NAALADL2: variants seen among roughly 807,000 people sequenced by gnomAD.
NAALADL2 encodes inactive N-acetylated-alpha-linked acidic dipeptidase-like protein 2.
NAALADL2 carries 76 observed loss-of-function variants against 87.2 expected under a neutral mutation model. The observed-to-expected ratio is 0.87, with a 90% CI of 0.72 to 1.05. NAALADL2 has a LOEUF of 1.05. NAALADL2 is among the 50% of genes least tolerant of loss of function. The pLI, the probability that NAALADL2 is intolerant of heterozygous loss-of-function variation, is 0.00. For missense variants in NAALADL2, 1,089 were observed against 945.8 expected (o/e 1.15, Z -1.99); for synonymous variants, 354 against 331.0 (o/e 1.07, Z -0.75).
chr3:175,328,766 G>T (rs1761053221), intron 5 of NAALADL2, among the ~76,000 whole-genome samples: 1 of 152,066 alleles, frequency 6.6e-6, no homozygotes, highest in East Asian at 1.9e-4. Context: ...GTTGTAGTTG[G>T]AGTTATATTT....
In NAALADL2 at chr3:175,741,183, A is replaced by G. The variant is rs986502031; in HGVS notation, c.1990+3784A>G. On this transcript the variant is annotated intron_variant, in intron 12 of 13. Transcript: ENST00000454872. ...CAACAACAGTAATTTATTTCTTACA[A>G]TTCTGGAGGCTGAGATATCCAAGAT... Among the ~76,000 whole-genome samples, 6 of 152,294 alleles carry G rather than the reference A, an allele frequency of 3.9e-5. No individual in the cohort carries two copies. The South Asian group carries it at 1.0e-3, about 26-fold the overall frequency.
intron 11 of NAALADL2, among the ~76,000 whole-genome samples, chr3:175,654,364 T>C (rs1731174174): frequency 6.6e-6 from 1 of 152,208 alleles, no homozygotes; most frequent in African/African-American, 2.4e-5. Flanking sequence ...TGCCTCTTGG[T>C]TGGCAGAAGC....
chr3:174,942,349 G>T (rs138221028), intron 1 of NAALADL2, among the ~76,000 whole-genome samples: 3 of 152,228 alleles, frequency 2.0e-5, no homozygotes, highest in African/African-American at 7.2e-5. Context: ...CAAGAATGCT[G>T]AATATAGGCC....
chr3:174,513,366 TC>T (rs1189095902), intron 1 of NAALADL2: 1 of 152,234 alleles, frequency 6.6e-6, no homozygotes, highest in Non-Finnish European at 1.5e-5. Flanking sequence ...ATTTATTTTT[TC>T]ACCAGTACAT....
At chr3:174,916,003 T>A (rs1403465420) in intron 1 of NAALADL2, among the ~76,000 whole-genome samples, 1 of 152,064 alleles carries the variant, frequency 6.6e-6, no homozygotes, top group South Asian at 2.1e-4. Flanking sequence ...GTCCAGAATC[T>A]ACAAGGGACT....
At chr3:174,691,344 A>T (rs761802166) in intron 2 of NAALADL2, among the ~76,000 whole-genome samples, 2 of 151,928 alleles carry the variant, frequency 1.3e-5, no homozygotes, top group Non-Finnish European at 2.9e-5. Context: ...CCCGGGAGGC[A>T]GAGGTTGCAG....
chr3:175,050,913 G>T (rs1181099946), intron 1 of NAALADL2, among the ~76,000 whole-genome samples: 2 of 152,056 alleles, frequency 1.3e-5, no homozygotes, highest in African/African-American at 4.8e-5. Context: ...AAAAACTAGG[G>T]TTGTTTTACT....
intron 1 of NAALADL2, 59 bp downstream of exon 1, chr3:174,859,509 T>C (rs1726209508): frequency 1.4e-6 from 2 of 1,404,236 alleles, no homozygotes; most frequent in South Asian, 2.4e-5. Context: ...TAAGCAGTGT[T>C]GATTACAAAG....
intron 3 of NAALADL2, among the ~76,000 whole-genome samples, chr3:174,838,889 G>A (rs188724268): frequency 6.6e-6 from 1 of 152,226 alleles, no homozygotes; most frequent in Non-Finnish European, 1.5e-5. Context: ...TCATGGATGG[G>A]TAGAATCATT....
At chr3:174,755,325 T>C (rs1300670940) in intron 3 of NAALADL2, among the ~76,000 whole-genome samples, 1 of 152,186 alleles carries the variant, frequency 6.6e-6, no homozygotes, top group Non-Finnish European at 1.5e-5. Flanking sequence ...GTCTCAGTGG[T>C]ATTTCTTTAT....
At chr3:174,529,805 G>A (rs932758059) in intron 1 of NAALADL2, among the ~76,000 whole-genome samples, 1 of 152,154 alleles carries the variant, frequency 6.6e-6, no homozygotes. Flanking sequence ...GGCTAGAGCA[G>A]CAGGGACACG....
At chr3:174,589,547 T>C (rs952240068) in intron 2 of NAALADL2, among the ~76,000 whole-genome samples, 6 of 152,188 alleles carry the variant, frequency 3.9e-5, no homozygotes, top group African/African-American at 9.7e-5. Context: ...TTACCATTCA[T>C]TGAGACTGTG....
chr3:174,641,096 G>A (rs190580510), intron 2 of NAALADL2, among the ~76,000 whole-genome samples: 10 of 152,270 alleles, frequency 6.6e-5, no homozygotes, highest in African/African-American at 2.2e-4. Flanking sequence ...TGACCTGGGC[G>A]GGCCTGGCTT....
intron 2 of NAALADL2, among the ~76,000 whole-genome samples, chr3:175,097,833 A>G (rs1721422397): frequency 6.6e-6 from 1 of 152,182 alleles, no homozygotes; most frequent in Admixed American, 6.6e-5. Flanking sequence ...GAAGAACTAG[A>G]TATGCAAGAT....
chr3:175,670,606 A>G (rs1416273203), intron 11 of NAALADL2, among the ~76,000 whole-genome samples: 3 of 147,102 alleles, frequency 2.0e-5, no homozygotes, highest in South Asian at 2.1e-4. Flanking sequence ...TATTAAATAT[A>G]TATTAAATGT....
intron 11 of NAALADL2, among the ~76,000 whole-genome samples, chr3:175,650,997 C>A (rs1254711998): frequency 6.6e-6 from 1 of 152,104 alleles, no homozygotes; most frequent in Non-Finnish European, 1.5e-5. Context: ...GATGGCATCA[C>A]AAGGATTGTT....
chr3:175,155,365 G>A (rs1732156691), intron 2 of NAALADL2, among the ~76,000 whole-genome samples: 1 of 152,118 alleles, frequency 6.6e-6, no homozygotes, highest in African/African-American at 2.4e-5. Context: ...GGTGTAACTT[G>A]TTTGCCTAAA....
chr3:175,509,750 T>G (rs1730870825), intron 9 of NAALADL2, among the ~76,000 whole-genome samples: 1 of 152,086 alleles, frequency 6.6e-6, no homozygotes, highest in Non-Finnish European at 1.5e-5. Context: ...GGGGAAGAGG[T>G]TTAATTGACC....
chr3:175,231,140 A>T (rs559446157), intron 2 of NAALADL2, among the ~76,000 whole-genome samples: 97 of 152,178 alleles, frequency 6.4e-4, no homozygotes, highest in Non-Finnish European at 1.1e-3. Flanking sequence ...ATAATTAAAG[A>T]AATTGTTAAA....
Sources: gnomAD v4.1 joint callset for allele counts (sites outside exome capture counted in the v4.1 genomes callset) on GRCh38, gnomAD v4.1.1 for gene constraint, MANE v1.5 for transcripts, NCBI Gene and HGNC (gene_info 2026-07-23, HGNC 2026-07-21) for gene names.